Variants in UGT2B11 observed in about 807,000 individuals in gnomAD.
UGT2B11 encodes the protein UDP glucuronosyltransferase family 2 member B11.
UGT2B11 carries 49 observed loss-of-function variants against 51.7 expected under a neutral mutation model. That is an observed-to-expected ratio of 0.95 (90% CI 0.75 to 1.20). The LOEUF (loss-of-function observed/expected upper bound fraction) is 1.20. UGT2B11 is among the 50% of genes most tolerant of loss of function. The pLI is 0.00. For missense variants in UGT2B11, 810 were observed against 622.1 expected (o/e 1.30, Z -3.21); for synonymous variants, 273 against 209.0 (o/e 1.31, Z -2.64).
chr4:69,202,158 A>G (rs1297920071), intron 5 of UGT2B11, among the ~76,000 whole-genome samples: 1 of 151,754 alleles, frequency 6.6e-6, no homozygotes, highest in Admixed American at 6.6e-5. Context: ...TAAACCACAG[A>G]TTATGTCTTC....
intron 5 of UGT2B11, among the ~76,000 whole-genome samples, 183 bp from the exon 6 acceptor site, chr4:69,200,902 C>A (rs1426458927): frequency 6.6e-6 from 1 of 151,216 alleles, no homozygotes; most frequent in South Asian, 2.1e-4. Flanking sequence ...GGACTTTTCT[C>A]ATTGACAAAC....
chr4:69,223,140 AG>A, the UGT2B11 span, among the ~76,000 whole-genome samples: 1 of 152,198 alleles, frequency 6.6e-6, no homozygotes, highest in Non-Finnish European at 1.5e-5. Flanking sequence ...TACTTCCCTC[AG>A]GGGACCACGT....
At position 69,214,167 on chromosome 4, in the gene UGT2B11, C is replaced by G; in HGVS notation, c.556G>C (p.Gly186Arg). 1 of 1,612,762 alleles carries G rather than the reference C, an allele frequency of 6.2e-7. No homozygotes were observed. Among genetic ancestry groups the G allele is most frequent in the Non-Finnish European group, 8.5e-7 (1 of 1,179,294 alleles). The change falls in exon 1 of 6, where the codon GGA becomes CGA. Residue 186 changes from glycine to arginine, a missense_variant. Coordinates refer to ENST00000446444, the MANE Select transcript of UGT2B11 (RefSeq NM_001073.3). ...ATGTAGGAAGGAGGGAAAATCAGTC[C>G]TCCACTGTGCCTTTCAATTGTGTAG... is the stretch of plus-strand genomic sequence containing the variant. Reference protein sequence around the residue: ...PGYTIERHSGGLIFPPSYIPI... With the variant: ...PGYTIERHSGRLIFPPSYIPI...
At chr4:69,212,368 A>G (rs1035121559) in intron 2 of UGT2B11, among the ~76,000 whole-genome samples, 4 of 151,550 alleles carry the variant, frequency 2.6e-5, no homozygotes, top group African/African-American at 9.7e-5. Context: ...TCTCCTTACT[A>G]TTCCTCTCTA....
the UGT2B11 span, among the ~76,000 whole-genome samples, chr4:69,223,596 T>C: frequency 2.6e-5 from 4 of 152,174 alleles, no homozygotes; most frequent in African/African-American, 9.7e-5. Context: ...GATGCCTGCA[T>C]GCTAAGGCCC....
chr4:69,224,922 G>C, the UGT2B11 span, among the ~76,000 whole-genome samples: 2 of 152,222 alleles, frequency 1.3e-5, no homozygotes, highest in Non-Finnish European at 2.9e-5. Context: ...CAGAAACAAA[G>C]ACAATTAACA....
In UGT2B11 at chr4:69,214,152, G is replaced by A. The variant is rs547057442; in HGVS notation, c.571C>T (p.Pro191Ser). 18 of 1,612,726 alleles carry A rather than the reference G, an allele frequency of 1.1e-5. No individual in the cohort carries two copies. The East Asian group carries it at 3.8e-4, about 34-fold the overall frequency. Residue 191 changes from proline to serine, a missense_variant, in exon 1 of 6, where the codon CCT (proline) becomes TCT (serine). Transcript: ENST00000446444. Reference protein sequence around the residue: ...ERHSGGLIFPPSYIPIVMSKL... With the variant: ...ERHSGGLIFPSSYIPIVMSKL... Reference sequence around the variant, plus strand: ...GACATAACAATAGGTATGTAGGAAGGAGGGAAAATCAGTCCTCCACTGTGC... The same window carrying A: ...GACATAACAATAGGTATGTAGGAAGAAGGGAAAATCAGTCCTCCACTGTGC...
chr4:69,210,288 T>C (rs1339465717), intron 2 of UGT2B11, among the ~76,000 whole-genome samples: 2 of 151,632 alleles, frequency 1.3e-5, no homozygotes, highest in East Asian at 3.9e-4. Flanking sequence ...TAAGGTTTAA[T>C]AGGTGCACCT....
chr4:69,222,465 G>C, the UGT2B11 span, among the ~76,000 whole-genome samples: 7 of 152,154 alleles, frequency 4.6e-5, no homozygotes, highest in East Asian at 1.3e-3. Context: ...AGCGGCCCCA[G>C]TCTCCATGAT....
intron 5 of UGT2B11, among the ~76,000 whole-genome samples, chr4:69,202,442 G>A (rs1489285813): frequency 6.6e-6 from 1 of 151,480 alleles, no homozygotes; most frequent in Non-Finnish European, 1.5e-5. Flanking sequence ...CAATATGGCT[G>A]GATCATATAG....
chr4:69,204,393 A>G, intron 5 of UGT2B11, 37 bp downstream of exon 5: 1 of 1,608,596 alleles, frequency 6.2e-7, no homozygotes, highest in East Asian at 2.2e-5. Context: ...GAAGCTGTCC[A>G]CAAATACCAC....
intron 2 of UGT2B11, among the ~76,000 whole-genome samples, chr4:69,208,963 G>A (rs1234241352): frequency 6.6e-6 from 1 of 151,654 alleles, no homozygotes; most frequent in African/African-American, 2.4e-5. Context: ...TATGAGCACT[G>A]AGGAAAAGAT....
chr4:69,224,792 T>G, the UGT2B11 span, among the ~76,000 whole-genome samples: 14 of 150,036 alleles, frequency 9.3e-5, no homozygotes, highest in Admixed American at 4.0e-4. Flanking sequence ...AGCAGAGTGA[T>G]GGTACAAAGC....
At chr4:69,204,949 G>A (rs983025516) in intron 4 of UGT2B11, among the ~76,000 whole-genome samples, 1 of 151,798 alleles carries the variant, frequency 6.6e-6, no homozygotes, top group South Asian at 2.1e-4. Flanking sequence ...ATGAAATAAA[G>A]TTTTATTTTA....
the UGT2B11 span, among the ~76,000 whole-genome samples, chr4:69,224,212 C>T: frequency 2.6e-5 from 4 of 152,254 alleles, no homozygotes; most frequent in African/African-American, 7.2e-5. Context: ...GGAAAGAAGT[C>T]TGGCCGGCGG....
intron 3 of UGT2B11, among the ~76,000 whole-genome samples, chr4:69,207,753 T>C (rs541972900): frequency 1.3e-5 from 2 of 151,766 alleles, no homozygotes; most frequent in Admixed American, 6.6e-5. Flanking sequence ...ACAGAAATAG[T>C]ACATTCCTTA....
the UGT2B11 span, among the ~76,000 whole-genome samples, chr4:69,223,717 T>C: frequency 6.6e-6 from 1 of 152,152 alleles, no homozygotes; most frequent in Non-Finnish European, 1.5e-5. Context: ...AGGCCAGGGC[T>C]GAGAGAACAG....
intron 5 of UGT2B11, among the ~76,000 whole-genome samples, chr4:69,203,877 T>G (rs1721751123): frequency 6.6e-6 from 1 of 151,564 alleles, no homozygotes; most frequent in Admixed American, 6.6e-5. Flanking sequence ...CATTGCAGTT[T>G]CTTTTGTGTT....
intron 5 of UGT2B11, among the ~76,000 whole-genome samples, chr4:69,203,345 A>G (rs1016594092): frequency 6.6e-6 from 1 of 151,670 alleles, no homozygotes; most frequent in Admixed American, 6.6e-5. Flanking sequence ...GTTGTAACAA[A>G]AAGAAAATAA....
Sources: gnomAD v4.1 joint callset for allele counts (sites outside exome capture counted in the v4.1 genomes callset) on GRCh38, gnomAD v4.1.1 for gene constraint, MANE v1.5 for transcripts, NCBI Gene and HGNC (gene_info 2026-07-23, HGNC 2026-07-21) for gene names.